The following SLC66A1 variants were observed in gnomAD, a reference collection of about 807,000 sequenced individuals.
SLC66A1 encodes the protein lysosomal amino acid transporter 1 homolog.
Under a neutral mutation model 33.0 loss-of-function variants are expected in SLC66A1, and 23 were observed. The observed-to-expected ratio is 0.70, with a 90% CI of 0.50 to 0.99. The LOEUF is 0.99. SLC66A1 is among the 50% of genes least tolerant of loss of function. The pLI, the probability that SLC66A1 is intolerant of heterozygous loss-of-function variation, is 0.00. For synonymous variants in SLC66A1, 164 were observed against 175.5 expected (o/e 0.93, Z 0.52); for missense variants, 335 against 383.6 (o/e 0.87, Z 1.06).
rs562493730 is a variant in SLC66A1, at chr1:19,323,033, T to C, written c.165-1600T>C. ...AGTAGCTGGGACCACAGGTCCCCACTCCACACTTGGCTAATTTTTTTTTTT... is the reference window on the plus strand; with the variant it reads ...AGTAGCTGGGACCACAGGTCCCCACCCCACACTTGGCTAATTTTTTTTTTT... On this transcript the variant is annotated intron_variant, in intron 2 of 7. Transcript: ENST00000375153. Among the ~76,000 whole-genome samples, 7 of 152,050 alleles carry C rather than the reference T, an allele frequency of 4.6e-5. No individual in the cohort carries two copies. The East Asian group carries it at 1.4e-3, about 29-fold the overall frequency.
At chr1:19,315,181 T>A (rs181830346) in intron 1 of SLC66A1, among the ~76,000 whole-genome samples, 1 of 152,364 alleles carries the variant, frequency 6.6e-6, no homozygotes, top group Non-Finnish European at 1.5e-5. Flanking sequence ...AGTGCTGGGA[T>A]TACAGGTGTG....
Position 19,328,936 on chromosome 1 carries a change from T to G in SLC66A1, c.*293T>G, listed in dbSNP as rs890894726. 3 of 525,752 alleles carry G rather than the reference T, an allele frequency of 5.7e-6. No individual in the cohort carries two copies. The African/African-American group carries it at 5.7e-5, about 10-fold the overall frequency. 32.6% of individuals were successfully genotyped at this position (525,752 alleles called of 1,614,324 possible). ...GGGCCACAGCCACAGCCTGCTGGAC[T>G]CAGGACTGTCCTGTCAACTCCAGAC... On this transcript the variant is annotated 3_prime_UTR_variant, in exon 8 of 8. Transcript: ENST00000375153. This position sits in a 1 kb window ranked among gnomAD's most constrained non-coding sequence, Gnocchi z 4.7.
chr1:19,314,200 G>A (rs555656350), intron 1 of SLC66A1, among the ~76,000 whole-genome samples: 99 of 152,320 alleles, frequency 6.5e-4, no homozygotes, highest in African/African-American at 2.3e-3. Flanking sequence ...CAGGGATCAG[G>A]TGTGTCTCAG....
At position 19,328,539 on chromosome 1, in the gene SLC66A1, T is replaced by C. The variant is rs1292682997; in HGVS notation, c.805-33T>C. ...CCAGGGGCAGGTCCAACCCAGTCTC[T>C]GCTCAGCTTGGCCTTAACGGCGGCA... On this transcript the variant is annotated intron_variant, in intron 7 of 7. Coordinates refer to ENST00000375153, the MANE Select transcript of SLC66A1 (RefSeq NM_001040125.2). The surrounding 1 kb of genome is among the most constrained non-coding windows in gnomAD (Gnocchi z 4.7). 6.2e-7 allele frequency: 1 copy of C among 1,600,410 alleles called. No homozygotes were observed. The highest frequency in any genetic ancestry group is 2.3e-5 in the East Asian group (1 of 44,356).
chr1:19,330,315 C>T (rs1043718286), downstream of SLC66A1, among the ~76,000 whole-genome samples: 1 of 152,132 alleles, frequency 6.6e-6, no homozygotes, highest in Admixed American at 6.6e-5. Context: ...ACGCTGCGTC[C>T]CAGAGTGGGC....
chr1:19,323,337 C>T (rs570915857), intron 2 of SLC66A1, among the ~76,000 whole-genome samples: 1 of 152,198 alleles, frequency 6.6e-6, no homozygotes, highest in Admixed American at 6.5e-5. Flanking sequence ...GGAAGAATGC[C>T]GGTTTCTTAG....
In SLC66A1 at chr1:19,328,808, C is replaced by G; in HGVS notation, c.*165C>G. The G allele has an allele frequency of 1.3e-6, 1 of 748,132 alleles. No individual in the cohort carries two copies. The highest frequency in any genetic ancestry group is 2.2e-6 in the Non-Finnish European group (1 of 464,520). 46.3% of individuals were successfully genotyped at this position (748,132 alleles called of 1,614,324 possible). A position where few individuals can be genotyped will look rare whatever the true frequency, so the allele number is the denominator to read the frequency against. On this transcript the variant is annotated 3_prime_UTR_variant, in exon 8 of 8. Transcript: ENST00000375153. The surrounding 1 kb of genome is among the most constrained non-coding windows in gnomAD (Gnocchi z 4.7). ...CCAGGAACACACCTTCAGGTAGACC[C>G]CGAAGCCTCAAGGCCGGGGCTGGAG...
At chr1:19,318,786 CAA>C (rs34811529) in intron 2 of SLC66A1, among the ~76,000 whole-genome samples, 39,456 of 131,616 alleles carry the variant, frequency 0.3, 5,313 homozygotes, top group Middle Eastern at 0.38. Flanking sequence ...CCATCTCTAC[CAA>C]AAAAAAAAAA....
intron 2 of SLC66A1, among the ~76,000 whole-genome samples, chr1:19,319,520 A>G (rs1218637923): frequency 1.3e-5 from 2 of 150,908 alleles, no homozygotes; most frequent in Non-Finnish European, 2.9e-5. Flanking sequence ...TGTATAGCAC[A>G]TTTGGTTATC....
At chr1:19,324,579 G>A (rs902432597) in intron 2 of SLC66A1, 54 bp from the exon 3 acceptor site, 2 of 1,605,988 alleles carry the variant, frequency 1.2e-6, no homozygotes, top group African/African-American at 1.3e-5. Flanking sequence ...CTATAAGGCG[G>A]CATCCCCTGT....
At chr1:19,316,661 C>T (rs1224015166) in intron 1 of SLC66A1, among the ~76,000 whole-genome samples, 2 of 150,368 alleles carry the variant, frequency 1.3e-5, no homozygotes, top group East Asian at 3.9e-4. Flanking sequence ...GCACAGTGCC[C>T]AGCCCTTATT....
At chr1:19,316,427 C>T (rs1315119455) in intron 1 of SLC66A1, among the ~76,000 whole-genome samples, 1 of 151,888 alleles carries the variant, frequency 6.6e-6, no homozygotes, top group East Asian at 1.9e-4. Flanking sequence ...CTCTGTCGCC[C>T]AGGCTGGAGT....
chr1:19,328,561 G>A lies in SLC66A1; in HGVS notation c.805-11G>A, dbSNP rs374683487. 8 of 1,611,940 alleles carry A rather than the reference G, an allele frequency of 5.0e-6. No individual in the cohort carries two copies. Among genetic ancestry groups the A allele is most frequent in the South Asian group, 3.3e-5 (3 of 90,716 alleles). On this transcript the variant is annotated splice_polypyrimidine_tract_variant and intron_variant, in intron 7 of 7. Transcript: ENST00000375153. This position sits in a 1 kb window ranked among gnomAD's most constrained non-coding sequence, Gnocchi z 4.7. ...CTCTGCTCAGCTTGGCCTTAACGGC[G>A]GCACCCCCAGATCTCCATCCAGTTC...
chr1:19,325,640 G>GGA lies in SLC66A1; in HGVS notation c.382+59_382+60insAG, dbSNP rs368207253. The GGA allele has an allele frequency of 1.7e-6, 2 of 1,166,860 alleles. 1 individual carries two copies. The highest frequency in any genetic ancestry group is 3.6e-5 in the African/African-American group (2 of 56,136). The allele number at this position is 1,166,860 out of a possible 1,614,324, so 72.3% of individuals were successfully genotyped here. A position where few individuals can be genotyped will look rare whatever the true frequency, so the allele number is the denominator to read the frequency against. On this transcript the variant is annotated intron_variant, in intron 4 of 7. Transcript: ENST00000375153. ...CTACCAGCAGCAGGGGGCAGTTGTG[G>GGA]GGGGGGGCGCCTGGAGTGTGGGAGG...
intron 1 of SLC66A1, among the ~76,000 whole-genome samples, chr1:19,313,634 G>A (rs1386911669): frequency 6.6e-6 from 1 of 152,222 alleles, no homozygotes; most frequent in Non-Finnish European, 1.5e-5. Flanking sequence ...TTGAAGGGGA[G>A]CAGGACACTT....
intron 1 of SLC66A1, chr1:19,313,178 C>A: frequency 3.0e-6 from 3 of 985,328 alleles, no homozygotes; most frequent in Non-Finnish European, 3.6e-6. Flanking sequence ...AACTACGAAG[C>A]TCAATCACTT....
At chr1:19,333,899 C>CAAACA (rs71008144), downstream of SLC66A1, among the ~76,000 whole-genome samples, 7,329 of 98,308 alleles carry the variant, frequency 0.075, 199 homozygotes, top group East Asian at 0.16. The surrounding 1 kb of genome is among the most constrained non-coding windows in gnomAD (Gnocchi z 4.2). Flanking sequence ...GACCTTGTCT[C>CAAACA]AAACAAAACA....
chr1:19,326,154 C>A, intron 4 of SLC66A1, 91 bp from the exon 5 acceptor site: 1 of 1,295,566 alleles, frequency 7.7e-7, no homozygotes, highest in East Asian at 2.3e-5. Flanking sequence ...TCACACAGCC[C>A]CTGAGGGGCA....
At chr1:19,321,216 C>G (rs1462750285) in intron 2 of SLC66A1, among the ~76,000 whole-genome samples, 6 of 142,022 alleles carry the variant, frequency 4.2e-5, no homozygotes, top group Non-Finnish European at 7.5e-5. Flanking sequence ...CTCTGTCCCC[C>G]AGGCTGGAGT....
Sources: allele counts gnomAD v4.1 joint callset (sites outside exome capture counted in the v4.1 genomes callset), GRCh38; gene constraint gnomAD v4.1.1; non-coding constraint Gnocchi (gnomAD v3.1); transcripts MANE v1.5; gene names NCBI Gene and HGNC (gene_info 2026-07-23, HGNC 2026-07-21).